WRAP53: variants seen among roughly 807,000 people sequenced by gnomAD.
WRAP53 encodes telomerase Cajal body protein 1.
A neutral mutation model predicts 56.6 loss-of-function variants in WRAP53; 28 were observed. That is an observed-to-expected ratio of 0.50 (90% CI 0.37 to 0.68). The LOEUF is 0.68. Ranked by LOEUF, WRAP53 falls within the 30% of genes least tolerant of loss-of-function variation. WRAP53 has a pLI of 0.00. For synonymous variants in WRAP53, 283 were observed against 283.4 expected (o/e 1.00, Z 0.01); for missense variants, 671 against 715.5 (o/e 0.94, Z 0.71).
intron 4 of WRAP53, among the ~76,000 whole-genome samples, chr17:7,699,622 C>T (rs1301413987): frequency 2.1e-5 from 3 of 142,158 alleles, no homozygotes; most frequent in Non-Finnish European, 4.6e-5. Flanking sequence ...GGGGTTTAAA[C>T]ATATCTTTTT....
rs569796023 is a variant in WRAP53, at chr17:7,697,313, C to G, written c.643-3428C>G. ...TCCAGCCTGGGGACAGAGGGAGACTCTGCCTCCAAAAAAAAAAAAAGAAAA... is the reference window on the plus strand; with the variant it reads ...TCCAGCCTGGGGACAGAGGGAGACTGTGCCTCCAAAAAAAAAAAAAGAAAA... On this transcript the variant is annotated intron_variant, in intron 4 of 10. Coordinates refer to ENST00000396463, the MANE Select transcript of WRAP53 (RefSeq NM_001143992.2). 2.4e-3 allele frequency among the ~76,000 whole-genome samples: 319 copies of G among 134,730 alleles called. 1 individual carries two copies. Among genetic ancestry groups the G allele is most frequent in the African/African-American group, 8.5e-3 (292 of 34,322 alleles). The allele number at this position is 134,730 out of a possible 152,430, so 88.4% of individuals were successfully genotyped here. A position where few individuals can be genotyped will look rare whatever the true frequency, so the allele number is the denominator to read the frequency against.
intron 4 of WRAP53, among the ~76,000 whole-genome samples, chr17:7,693,220 A>C (rs2074138737): frequency 1.3e-5 from 2 of 149,608 alleles, no homozygotes; most frequent in African/African-American, 2.5e-5. Flanking sequence ...AATCAGACCC[A>C]CCAAGGCATG....
In WRAP53 at chr17:7,689,294, C is replaced by T. The variant is rs774466254; in HGVS notation, c.502C>T (p.Pro168Ser). ...SGSWSEFSTQ[P>S]ENFLKGCKWA... ...TTCCTGGTCAGAGTTCAGCACCCAA[C>T]CTGAGAACTTCTTGAAAGGCTGTAA... Residue 168 changes from proline (P) to serine (S), a missense_variant, in exon 3 of 11, where the codon CCT becomes TCT. Physicochemically the swap from Pro to Ser is moderately conservative, Grantham distance 74. Transcript: ENST00000396463. 2 of 1,614,054 alleles carry T rather than the reference C, an allele frequency of 1.2e-6. No homozygotes were observed. The highest frequency in any genetic ancestry group is 1.7e-6 in the Non-Finnish European group (2 of 1,180,014).
At position 7,688,807 on chromosome 17, in the gene WRAP53, G is replaced by A; in HGVS notation, c.159G>A (p.Leu53=). The A allele has an allele frequency of 6.2e-7, 1 of 1,614,202 alleles. No homozygotes were observed. The highest frequency in any genetic ancestry group is 8.5e-7 in the Non-Finnish European group (1 of 1,180,038). Residue 53 remains leucine, a synonymous_variant, in exon 2 of 11, where the codon TTG becomes TTA. Transcript: ENST00000396463. ...CCGAAAGGGGGGATCCGCCCCGGTT[G>A]TCCCCAGATCCTGTGGCTGGCTCAG... is the stretch of plus-strand genomic sequence containing the variant. ...PPPERGDPPR[L]SPDPVAGSAV...
chr17:7,688,298 C>T, upstream of WRAP53: 1 of 317,630 alleles, frequency 3.1e-6, no homozygotes, highest in Non-Finnish European at 5.9e-6. Context: ...TCCCAGCAGC[C>T]ACGAGGAGCC....
At chr17:7,686,186 T>A (rs556250319), upstream of WRAP53, 1 of 152,222 alleles carries the variant, frequency 6.6e-6, no homozygotes, top group Non-Finnish European at 1.5e-5. Context: ...TCAGCCTGCG[T>A]CTGGAACTGG....
rs184582634 is a variant in WRAP53 at position 7,691,759 on chromosome 17, A to G, written c.642+2058A>G. 3.4e-3 allele frequency among the ~76,000 whole-genome samples: 511 copies of G among 151,884 alleles called. 2 individuals carry two copies. The highest frequency in any genetic ancestry group is 0.012 in the African/African-American group (494 of 41,404). The stretch of plus-strand genomic sequence containing the variant: ...TGGCTGGTCTCAAACTCCTGACCTC[A>G]GGTGATCCACCTGCCTCAGCCTTCC... On this transcript the variant is annotated intron_variant, in intron 4 of 10. Transcript: ENST00000396463.
upstream of WRAP53, chr17:7,687,853 A>T (rs2074034739): frequency 2.7e-6 from 1 of 374,794 alleles, no homozygotes; most frequent in Non-Finnish European, 4.7e-6. Flanking sequence ...CTCATCAGTT[A>T]AAATGTCATT....
rs750864997 is a variant in WRAP53 at position 7,702,979 on chromosome 17, CCT to C, written c.1269-6_1269-5del. 6.2e-6 allele frequency: 10 copies of C among 1,613,520 alleles called. No individual in the cohort carries two copies. In the East Asian group the frequency reaches 2.2e-4, roughly 36 times the overall value. On this transcript the variant is annotated splice_polypyrimidine_tract_variant and intron_variant, in intron 9 of 10. Coordinates refer to ENST00000396463, the MANE Select transcript of WRAP53 (RefSeq NM_001143992.2). This position sits in a 1 kb window ranked among gnomAD's most constrained non-coding sequence, Gnocchi z 5.0. ...GTGAGGCCTCTGCCAGCAAATCTCT[CCT>C]CTCTCTCGCAGGACCGGGCAGTTCC... is the stretch of plus-strand genomic sequence containing the variant.
chr17:7,691,993 C>G (rs968573670), intron 4 of WRAP53, among the ~76,000 whole-genome samples: 6 of 152,012 alleles, frequency 3.9e-5, no homozygotes, highest in African/African-American at 1.4e-4. Context: ...TGTGCCACCA[C>G]ACCCGGCTAA....
At chr17:7,700,970 T>G (rs1597419931) in intron 5 of WRAP53, 141 bp downstream of exon 5, 1 of 642,202 alleles carries the variant, frequency 1.6e-6, no homozygotes. Context: ...GTTGGCTTCC[T>G]CCCCTTCCTT....
At position 7,701,760 on chromosome 17, in the gene WRAP53, G is replaced by A; in HGVS notation, c.926G>A (p.Gly309Asp). ...TVRVFSTARP[G>D]RDCEVRATFA... is the part of the protein sequence containing the mutation. Reference sequence around the variant, plus strand: ...CGTGTTTTTTCCACGGCCCGGCCTGGCCGAGACTGCGAGGTCCGAGCCACA... The same window carrying A: ...CGTGTTTTTTCCACGGCCCGGCCTGACCGAGACTGCGAGGTCCGAGCCACA... The change falls in exon 7 of 11, where the codon GGC becomes GAC. Residue 309 changes from glycine (G) to aspartate (D), a missense_variant. Coordinates refer to ENST00000396463, the MANE Select transcript of WRAP53 (RefSeq NM_001143992.2). This position sits in a 1 kb window ranked among gnomAD's most constrained non-coding sequence, Gnocchi z 4.2. 1 of 1,614,056 alleles carries A rather than the reference G, an allele frequency of 6.2e-7. No individual in the cohort carries two copies. The highest frequency in any genetic ancestry group is 8.5e-7 in the Non-Finnish European group (1 of 1,180,018).
At chr17:7,699,480 A>ATATATATATATATATATATATATT (rs2074236535) in intron 4 of WRAP53, among the ~76,000 whole-genome samples, 1 of 11,290 alleles carries the variant, frequency 8.9e-5, no homozygotes, top group Non-Finnish European at 1.5e-4. Context: ...ATATATTTAT[A>ATATATATATATATATATATATATT]TATATATATA....
intron 4 of WRAP53, among the ~76,000 whole-genome samples, chr17:7,692,884 G>A (rs901965307): frequency 7.3e-5 from 11 of 150,442 alleles, no homozygotes; most frequent in African/African-American, 2.7e-4. Flanking sequence ...CTCCCGAGTA[G>A]CTGGGACTAC....
Position 7,702,389 on chromosome 17 carries a change from G to A in WRAP53, c.1001G>A (p.Ser334Asn). 6.2e-6 allele frequency: 10 copies of A among 1,614,136 alleles called. No homozygotes were observed. Among genetic ancestry groups the A allele is most frequent in the Non-Finnish European group, 8.5e-6 (10 of 1,180,018 alleles). Residue 334 changes from serine to asparagine, a missense_variant, in exon 8 of 11, where the codon AGC (serine) becomes AAC (asparagine). Physicochemically the swap from Ser to Asn is conservative, Grantham distance 46. Around this residue, in one of 3 missense-constraint regions of WRAP53, gnomAD observed 158 missense variants for 215.7 expected, o/e 0.73. Coordinates refer to ENST00000396463, the MANE Select transcript of WRAP53 (RefSeq NM_001143992.2). The surrounding 1 kb of genome is among the most constrained non-coding windows in gnomAD (Gnocchi z 5.0). Reference sequence around the variant, plus strand: ...GGCATCATCTCCTGCATAGCCTTCAGCCCAGCCCAGCCCCTCTATGCCTGT... The same window carrying A: ...GGCATCATCTCCTGCATAGCCTTCAACCCAGCCCAGCCCCTCTATGCCTGT... Reference protein sequence around the residue: ...QSGIISCIAFSPAQPLYACGS... With the variant: ...QSGIISCIAFNPAQPLYACGS...
In WRAP53 at chr17:7,701,758, T is replaced by C; in HGVS notation, c.924T>C (p.Pro308=). 1.9e-6 allele frequency: 3 copies of C among 1,614,098 alleles called. No homozygotes were observed. The highest frequency in any genetic ancestry group is 2.5e-6 in the Non-Finnish European group (3 of 1,180,032). ...TGCGTGTTTTTTCCACGGCCCGGCC[T>C]GGCCGAGACTGCGAGGTCCGAGCCA... ...RTVRVFSTAR[P]GRDCEVRATF... The change falls in exon 7 of 11, where the codon CCT becomes CCC. Residue 308 remains proline (P), a synonymous_variant. Coordinates refer to ENST00000396463, the MANE Select transcript of WRAP53 (RefSeq NM_001143992.2). This position sits in a 1 kb window ranked among gnomAD's most constrained non-coding sequence, Gnocchi z 4.2.
Position 7,688,723 on chromosome 17 carries a change from T to C in WRAP53, c.75T>C (p.Pro25=). The part of the protein sequence containing the change: ...PSDQDPAPAH[P]SPHASPMNKN... ...ACCAGGACCCAGCTCCAGCCCATCC[T>C]TCTCCCCACGCTTCCCCGATGAATA... Residue 25 remains proline, a synonymous_variant, in exon 2 of 11, where the codon CCT becomes CCC. Coordinates refer to ENST00000396463, the MANE Select transcript of WRAP53 (RefSeq NM_001143992.2). 2 of 1,614,146 alleles carry C rather than the reference T, an allele frequency of 1.2e-6. No individual in the cohort carries two copies. Among genetic ancestry groups the C allele is most frequent in the Non-Finnish European group, 1.7e-6 (2 of 1,180,016 alleles).
intron 4 of WRAP53, among the ~76,000 whole-genome samples, chr17:7,693,440 C>T (rs1441784024): frequency 1.3e-5 from 2 of 152,222 alleles, no homozygotes; most frequent in South Asian, 2.1e-4. Context: ...CACTTAAGGC[C>T]GGGTGCGGTG....
chr17:7,688,548 G>A lies in WRAP53; in HGVS notation c.-15G>A. The A allele has an allele frequency of 1.2e-5, 16 of 1,306,992 alleles. No individual in the cohort carries two copies. The highest frequency in any genetic ancestry group is 1.6e-5 in the Non-Finnish European group (15 of 939,622). 81.0% of individuals were successfully genotyped at this position (1,306,992 alleles called of 1,614,324 possible). On this transcript the variant is annotated 5_prime_UTR_variant, in exon 1 of 11. Coordinates refer to ENST00000396463, the MANE Select transcript of WRAP53 (RefSeq NM_001143992.2). Reference sequence around the variant, plus strand: ...GAGTCTTCTGCCTACTCCCAGAAGAGGAGGGAAGCACAGGTGGGTTTCTTT... The same window carrying A: ...GAGTCTTCTGCCTACTCCCAGAAGAAGAGGGAAGCACAGGTGGGTTTCTTT...
Sources: gnomAD v4.1 joint callset for allele counts (sites outside exome capture counted in the v4.1 genomes callset) on GRCh38, gnomAD v4.1.1 for gene constraint, gnomAD v4.1.1 regional missense constraint, Gnocchi (gnomAD v3.1) non-coding constraint, MANE v1.5 for transcripts, NCBI Gene and HGNC (gene_info 2026-07-23, HGNC 2026-07-21) for gene names.